Variants in FOXN3 observed in about 807,000 individuals in gnomAD.
The protein encoded by FOXN3 is forkhead box N3.
Under a neutral mutation model 38.4 loss-of-function variants are expected in FOXN3, and 7 were observed. The observed-to-expected ratio is 0.18, with a 90% CI of 0.10 to 0.34. FOXN3 has a LOEUF of 0.34. Among genes scored for constraint, FOXN3 ranks in the 10% least tolerant of loss-of-function variants. FOXN3 has a pLI of 1.00. For missense variants in FOXN3, 456 were observed against 613.4 expected (o/e 0.74, Z 2.71); for synonymous variants, 230 against 242.2 (o/e 0.95, Z 0.47).
At chr14:89,551,499 A>C (rs1244044349) in intron 1 of FOXN3, among the ~76,000 whole-genome samples, 2 of 152,092 alleles carry the variant, frequency 1.3e-5, no homozygotes, top group African/African-American at 4.8e-5. Flanking sequence ...CCGACAAAAA[A>C]GGTCACAGCA....
intron 2 of FOXN3, among the ~76,000 whole-genome samples, chr14:89,401,216 C>T (rs994799155): frequency 2.0e-5 from 3 of 151,126 alleles, no homozygotes; most frequent in Admixed American, 1.3e-4. Context: ...TTGAGGCGGG[C>T]GGATCACCTG....
intron 5 of FOXN3, among the ~76,000 whole-genome samples, chr14:89,172,043 G>A (rs968003531): frequency 6.6e-6 from 1 of 152,102 alleles, no homozygotes; most frequent in African/African-American, 2.4e-5. Flanking sequence ...GAAATAAATT[G>A]CATTTCCATA....
At chr14:89,177,854 T>C (rs1323913303) in intron 5 of FOXN3, among the ~76,000 whole-genome samples, 3 of 152,156 alleles carry the variant, frequency 2.0e-5, no homozygotes, top group African/African-American at 2.4e-5. Flanking sequence ...TTCAGCTCCA[T>C]GGGGTGATCA....
chr14:89,177,582 C>G (rs1489977379), intron 5 of FOXN3, among the ~76,000 whole-genome samples: 4 of 152,106 alleles, frequency 2.6e-5, no homozygotes, highest in Admixed American at 1.3e-4. Context: ...GACTTTACCA[C>G]TGGGTTCCAT....
chr14:89,301,258 CCCAGGAGTTTGAGA>C (rs1887209439), intron 3 of FOXN3, among the ~76,000 whole-genome samples: 1 of 151,816 alleles, frequency 6.6e-6, no homozygotes, highest in Non-Finnish European at 1.5e-5. Flanking sequence ...ACTGCTTGAG[CCCAGGAGTTTGAGA>C]CCAGCTTGGG....
intron 4 of FOXN3, among the ~76,000 whole-genome samples, chr14:89,204,218 G>C (rs1295497865): frequency 1.3e-5 from 2 of 152,102 alleles, no homozygotes; most frequent in African/African-American, 4.8e-5. Context: ...GTGGAGACTT[G>C]GGATACTTAT....
chr14:89,254,206 A>C (rs1885548531), intron 4 of FOXN3, among the ~76,000 whole-genome samples: 1 of 152,210 alleles, frequency 6.6e-6, no homozygotes, highest in African/African-American at 2.4e-5. Flanking sequence ...TAAAGCAAGG[A>C]GAGTGCTCAG....
At chr14:89,165,398 C>T (rs777004491) in intron 5 of FOXN3, among the ~76,000 whole-genome samples, 6 of 152,196 alleles carry the variant, frequency 3.9e-5, no homozygotes, top group Non-Finnish European at 5.9e-5. Flanking sequence ...ACTTGTGGTC[C>T]GATTCCTGCG....
intron 4 of FOXN3, among the ~76,000 whole-genome samples, chr14:89,257,873 C>T (rs1312866022): frequency 6.6e-6 from 1 of 152,132 alleles, no homozygotes. Flanking sequence ...CAATGCAAAG[C>T]GAGTGGCATG....
intron 3 of FOXN3, among the ~76,000 whole-genome samples, chr14:89,333,996 ATATATATATATATG>A (rs1306790225): frequency 0.016 from 1,042 of 64,250 alleles, 8 homozygotes; most frequent in Middle Eastern, 0.037. Flanking sequence ...ATATATATAT[ATATATATATATATG>A]TATATAAATG....
intron 4 of FOXN3, 88 bp from the exon 5 acceptor site, chr14:89,180,894 AAGAG>A (rs199793978): frequency 4.9e-6 from 3 of 615,050 alleles, no homozygotes; most frequent in Admixed American, 4.0e-5. Context: ...ATAGACCAAT[AAGAG>A]AGAGAGAGAG....
intron 3 of FOXN3, among the ~76,000 whole-genome samples, chr14:89,307,439 G>A (rs1887410419): frequency 2.6e-5 from 4 of 152,136 alleles, no homozygotes; most frequent in African/African-American, 7.2e-5. Flanking sequence ...GGTCTGAGAG[G>A]AATATGGAAT....
chr14:89,513,693 C>T (rs1018522405), intron 1 of FOXN3, among the ~76,000 whole-genome samples: 1 of 152,144 alleles, frequency 6.6e-6, no homozygotes, highest in African/African-American at 2.4e-5. Flanking sequence ...CTCCTGGGTT[C>T]AAGTGATTCT....
chr14:89,459,366 G>A (rs1331893962), intron 1 of FOXN3, among the ~76,000 whole-genome samples: 1 of 152,158 alleles, frequency 6.6e-6, no homozygotes, highest in South Asian at 2.1e-4. Flanking sequence ...TTTAATCAGA[G>A]TGAATTTAAA....
intron 1 of FOXN3, among the ~76,000 whole-genome samples, chr14:89,549,206 T>C (rs751581159): frequency 6.6e-5 from 10 of 151,832 alleles, no homozygotes; most frequent in Non-Finnish European, 1.2e-4. Context: ...TCATGTGTTG[T>C]TTGAAAGGCC....
rs572559538 is a variant in FOXN3, at chr14:89,556,549, T to C, written c.-15+62479A>G. Among the ~76,000 whole-genome samples, 4 of 152,266 alleles carry C rather than the reference T, an allele frequency of 2.6e-5. No individual in the cohort carries two copies. The South Asian group carries it at 8.3e-4, about 32-fold the overall frequency. ...ACCTACCCCTGGAGATCTGGTATCT[T>C]GGACAGGCCTTCTAATACTGAATGA... On this transcript the variant is annotated intron_variant, in intron 1 of 6. Coordinates refer to the FOXN3 transcript ENST00000345097.
Position 89,334,002 on chromosome 14 carries a change from A to ATG in FOXN3, c.680+16669_680+16670insCA, listed in dbSNP as rs1566959368. ...TATATATATATATATATATATATAT[A>ATG]TATATATGTATATAAATGTGGTATA... On this transcript the variant is annotated intron_variant, in intron 3 of 5. Transcript: ENST00000557258. Among the ~76,000 whole-genome samples the ATG allele has an allele frequency of 4.1e-3, 162 of 39,962 alleles. 2 individuals are homozygous for ATG. The highest frequency in any genetic ancestry group is 0.011 in the African/African-American group (153 of 13,322). The allele number at this position is 39,962 out of a possible 152,430, so 26.2% of individuals were successfully genotyped here. A position where few individuals can be genotyped will look rare whatever the true frequency, so the allele number is the denominator to read the frequency against.
chr14:89,311,134 T>A (rs1166153076), intron 3 of FOXN3, among the ~76,000 whole-genome samples: 4 of 149,116 alleles, frequency 2.7e-5, no homozygotes, highest in Non-Finnish European at 4.5e-5. Context: ...TGACATCTTT[T>A]AAAAAAAATC....
At chr14:89,496,873 G>T (rs184475937) in intron 1 of FOXN3, among the ~76,000 whole-genome samples, 3 of 152,056 alleles carry the variant, frequency 2.0e-5, no homozygotes, top group Admixed American at 6.6e-5. Flanking sequence ...GTGGAACCAC[G>T]GAATATTTGC....
Sources: gnomAD v4.1 joint callset for allele counts (sites outside exome capture counted in the v4.1 genomes callset) on GRCh38, gnomAD v4.1.1 for gene constraint, MANE v1.5 for transcripts, NCBI Gene and HGNC (gene_info 2026-07-23, HGNC 2026-07-21) for gene names.